The following HTR7 variants were observed in gnomAD, a reference collection of about 807,000 sequenced individuals.
HTR7 encodes 5-hydroxytryptamine receptor 7, also known as 5-HT-7.
HTR7 carries 16 observed loss-of-function variants against 34.0 expected under a neutral mutation model. The ratio of observed to expected loss-of-function variants is 0.47; its 90% confidence interval spans 0.32 to 0.71. HTR7 has a LOEUF of 0.71. Among genes scored for constraint, HTR7 ranks in the 30% least tolerant of loss-of-function variants. The probability of loss-of-function intolerance (pLI) is 0.04; values close to 1 mark genes in which losing one functional copy is unlikely to be tolerated. For missense variants in HTR7, 504 were observed against 625.5 expected (o/e 0.81, Z 2.07); for synonymous variants, 265 against 260.2 (o/e 1.02, Z -0.18).
chr10:90,830,496 G>C (rs1846149977), intron 1 of HTR7, among the ~76,000 whole-genome samples: 1 of 152,156 alleles, frequency 6.6e-6, no homozygotes, highest in Non-Finnish European at 1.5e-5. Context: ...ACTATAGAAA[G>C]ATTTGGCCAG....
intron 1 of HTR7, among the ~76,000 whole-genome samples, chr10:90,840,960 G>A (rs1391301493): frequency 6.6e-6 from 1 of 152,146 alleles, no homozygotes; most frequent in Non-Finnish European, 1.5e-5. Flanking sequence ...CTTATCCCCA[G>A]CATTAAGTAC....
In HTR7 at chr10:90,833,282, T is replaced by G. The variant is rs2120061511; in HGVS notation, c.539+23851A>C. Among the ~76,000 whole-genome samples, 2 of 152,360 alleles carry G rather than the reference T, an allele frequency of 1.3e-5. 1 individual carries two copies. Among genetic ancestry groups the G allele is most frequent in the Middle Eastern group, 6.8e-3 (2 of 294 alleles). On this transcript the variant is annotated intron_variant, in intron 1 of 3. Transcript: ENST00000336152. ...CCTTCCAAGCTCTAGATATGTTATT[T>G]GATTTTTATCTTTTTAAAAGAGGAT... is the stretch of plus-strand genomic sequence containing the variant.
At chr10:90,835,913 C>G (rs916642251) in intron 1 of HTR7, among the ~76,000 whole-genome samples, 3 of 152,126 alleles carry the variant, frequency 2.0e-5, no homozygotes, top group Non-Finnish European at 4.4e-5. Context: ...GAGGAAACAA[C>G]TTGTACTGGG....
intron 1 of HTR7, among the ~76,000 whole-genome samples, chr10:90,766,503 G>A (rs1349859618): frequency 6.6e-6 from 1 of 152,056 alleles, no homozygotes; most frequent in East Asian, 1.9e-4. Context: ...TTTTGTGTGT[G>A]GAGAATTTAA....
At chr10:90,769,287 A>G (rs529662126) in intron 1 of HTR7, among the ~76,000 whole-genome samples, 47 of 152,344 alleles carry the variant, frequency 3.1e-4, no homozygotes, top group Non-Finnish European at 5.7e-4. Flanking sequence ...CTTTGATAAG[A>G]CCATTTCTCT....
At chr10:90,851,280 T>G (rs1324615051) in intron 1 of HTR7, among the ~76,000 whole-genome samples, 1 of 151,960 alleles carries the variant, frequency 6.6e-6, no homozygotes, top group African/African-American at 2.4e-5. Flanking sequence ...ACTAGAAATA[T>G]AAAATTCCAT....
Position 90,817,337 on chromosome 10 carries a change from G to A in HTR7, c.539+39796C>T, listed in dbSNP as rs1224725319. 3.3e-5 allele frequency among the ~76,000 whole-genome samples: 5 copies of A among 152,068 alleles called. No homozygotes were observed. The East Asian group carries it at 9.6e-4, about 29-fold the overall frequency. On this transcript the variant is annotated intron_variant, in intron 1 of 3. Transcript: ENST00000336152. ...CTCCCTAAGAGCTAAAAAGAAACTA[G>A]TCCTTTCAAAAGACTACTAGCTTAT...
At chr10:90,840,698 G>A (rs1373394050) in intron 1 of HTR7, among the ~76,000 whole-genome samples, 1 of 152,172 alleles carries the variant, frequency 6.6e-6, no homozygotes, top group Non-Finnish European at 1.5e-5. Context: ...AAGTGTAACA[G>A]CTCACATTTA....
Position 90,837,869 on chromosome 10 carries a change from C to T in HTR7, c.539+19264G>A, listed in dbSNP as rs1388065284. Among the ~76,000 whole-genome samples, 2 of 152,168 alleles carry T rather than the reference C, an allele frequency of 1.3e-5. 1 individual carries two copies. Among genetic ancestry groups the T allele is most frequent in the East Asian group, 3.9e-4 (2 of 5,194 alleles). On this transcript the variant is annotated intron_variant, in intron 1 of 3. Coordinates refer to ENST00000336152, the MANE Select transcript of HTR7 (RefSeq NM_019859.4). Reference sequence around the variant, plus strand: ...CCATCTGACTGCTTCACTAAAACTACTCAAGATCACCAATGACTTCAAGGT... The same window carrying T: ...CCATCTGACTGCTTCACTAAAACTATTCAAGATCACCAATGACTTCAAGGT...
chr10:90,767,533 C>A (rs1589442169), intron 1 of HTR7, among the ~76,000 whole-genome samples: 1 of 152,118 alleles, frequency 6.6e-6, no homozygotes, highest in East Asian at 1.9e-4. Context: ...GCCATATATT[C>A]TTTGCCATCC....
At chr10:90,794,639 TA>T (rs1344816584) in intron 1 of HTR7, among the ~76,000 whole-genome samples, 1 of 152,008 alleles carries the variant, frequency 6.6e-6, no homozygotes, top group East Asian at 1.9e-4. Context: ...TAACTGGGAC[TA>T]AAGGTGCACA....
At chr10:90,851,565 A>T (rs1357815495) in intron 1 of HTR7, among the ~76,000 whole-genome samples, 3 of 140,864 alleles carry the variant, frequency 2.1e-5, no homozygotes, top group Non-Finnish European at 4.5e-5. Context: ...AGATCACACC[A>T]CTGCACTCCA....
chr10:90,789,075 C>G (rs907364125), intron 1 of HTR7, among the ~76,000 whole-genome samples: 2 of 152,228 alleles, frequency 1.3e-5, no homozygotes, highest in African/African-American at 4.8e-5. Context: ...CGTGCACCAA[C>G]TTATCCTTCT....
chr10:90,781,616 T>A (rs573523126), intron 1 of HTR7, among the ~76,000 whole-genome samples: 136 of 152,288 alleles, frequency 8.9e-4, no homozygotes, highest in African/African-American at 3.1e-3. Flanking sequence ...TACCAGGAAA[T>A]AAAAAATCTG....
intron 1 of HTR7, among the ~76,000 whole-genome samples, chr10:90,756,653 G>A (rs944922617): frequency 6.6e-6 from 1 of 151,952 alleles, no homozygotes; most frequent in Non-Finnish European, 1.5e-5. Context: ...CTTTGAGAAA[G>A]GATATTATTA....
rs1238476898 is a variant in HTR7 at position 90,857,664 on chromosome 10, T to G, written c.8A>C (p.Asp3Ala). The G allele has an allele frequency of 6.4e-7, 1 of 1,573,238 alleles. No homozygotes were observed. The highest frequency in any genetic ancestry group is 8.6e-7 in the Non-Finnish European group (1 of 1,167,564). MM[D>A]VNSSGRPDLY... Reference sequence around the variant, plus strand: ...GTCCGGGCGGCCGCTGCTGTTAACGTCCATCATCGCGCCGCCGTGTGCCGC... The same window carrying G: ...GTCCGGGCGGCCGCTGCTGTTAACGGCCATCATCGCGCCGCCGTGTGCCGC... The change falls in exon 1 of 4, where the codon GAC becomes GCC. Residue 3 changes from aspartate (D) to alanine (A), a missense_variant. Asp to Ala is a moderately radical substitution (Grantham distance 126). Around this residue, in one of 4 missense-constraint regions of HTR7, gnomAD observed 139 missense variants for 117.1 expected, o/e 1.19. Transcript: ENST00000336152. This position sits in a 1 kb window ranked among gnomAD's most constrained non-coding sequence, Gnocchi z 6.5.
chr10:90,822,694 T>G (rs1264723372), intron 1 of HTR7, among the ~76,000 whole-genome samples: 3 of 152,214 alleles, frequency 2.0e-5, no homozygotes, highest in Non-Finnish European at 4.4e-5. Context: ...CTAGGGCATT[T>G]CAGAGACTTT....
chr10:90,743,624 T>C lies in HTR7; in HGVS notation c.1362A>G (p.Leu454=). 1 of 1,614,020 alleles carries C rather than the reference T, an allele frequency of 6.2e-7. No individual in the cohort carries two copies. The highest frequency in any genetic ancestry group is 8.5e-7 in the Non-Finnish European group (1 of 1,179,880). Residue 454 remains leucine (L), a synonymous_variant, in exon 3 of 4, where the codon CTA becomes CTG. Transcript: ENST00000336152. ...ACCAATTGTGATGGTCTGGAGATTG[T>C]AGCACCCACACAGATACCGGTGGCC... ...EKRPPVSVWV[L]QSPDHHNWLA...
chr10:90,753,683 T>A (rs528951622), intron 1 of HTR7, among the ~76,000 whole-genome samples: 1 of 151,908 alleles, frequency 6.6e-6, no homozygotes, highest in Admixed American at 6.6e-5. Flanking sequence ...AAACACATAA[T>A]AGAGGAAAAA....
Sources: allele counts gnomAD v4.1 joint callset (sites outside exome capture counted in the v4.1 genomes callset), GRCh38; gene constraint gnomAD v4.1.1; regional missense constraint gnomAD v4.1.1; non-coding constraint Gnocchi (gnomAD v3.1); transcripts MANE v1.5; gene names NCBI Gene and HGNC (gene_info 2026-07-23, HGNC 2026-07-21).